KASH5: variants seen among roughly 807,000 people sequenced by gnomAD.
KASH5 encodes the protein protein KASH5.
KASH5 carries 72 observed loss-of-function variants against 84.2 expected under a neutral mutation model. The observed-to-expected ratio is 0.85, with a 90% confidence interval of 0.71 to 1.04. KASH5 has a LOEUF of 1.04. Ranked by LOEUF, KASH5 falls within the 50% of genes least tolerant of loss-of-function variation. The probability of loss-of-function intolerance (pLI) is 0.00; values close to 1 mark genes in which losing one functional copy is unlikely to be tolerated. For missense variants in KASH5, 650 were observed against 701.0 expected (o/e 0.93, Z 0.82); for synonymous variants, 260 against 279.1 (o/e 0.93, Z 0.68).
At chr19:49,396,993 G>A (rs948900942) in intron 5 of KASH5, among the ~76,000 whole-genome samples, 2 of 151,488 alleles carry the variant, frequency 1.3e-5, no homozygotes, top group African/African-American at 4.9e-5. Context: ...GGTCAAAGCT[G>A]CAGTGAGCCA....
intron 7 of KASH5, among the ~76,000 whole-genome samples, chr19:49,398,506 C>G (rs1974259366): frequency 6.6e-6 from 1 of 151,802 alleles, no homozygotes; most frequent in South Asian, 2.1e-4. Flanking sequence ...GTAGCTGGGA[C>G]CACAGGCCCA....
intron 7 of KASH5, 50 bp from the exon 8 acceptor site, chr19:49,398,975 C>G: frequency 7.2e-7 from 1 of 1,387,808 alleles, no homozygotes; most frequent in East Asian, 2.5e-5. Flanking sequence ...CTCTGTGCTT[C>G]TCTGCCTTCC....
At chr19:49,389,148 C>T (rs1277410618) in intron 1 of KASH5, among the ~76,000 whole-genome samples, 1 of 104,724 alleles carries the variant, frequency 9.5e-6, no homozygotes, top group Non-Finnish European at 1.8e-5. Context: ...AAATCAAGAC[C>T]CCCAAAATCC....
At position 49,417,231 on chromosome 19, in the gene KASH5, C is replaced by T; in HGVS notation, c.1512C>T (p.Ala504=). The change falls in exon 19 of 20, where the codon GCC becomes GCT. Residue 504 remains alanine (A), a synonymous_variant. Transcript: ENST00000447857. The surrounding 1 kb of genome is among the most constrained non-coding windows in gnomAD (Gnocchi z 5.2). ...MKKLVPVRRR[A]WGQLCLPPQR... ...AGCTGGTCCCAGTCAGGAGGAGGGC[C>T]TGGGGCCAGCTCTGCCTGCCCCCAC... 6.2e-7 allele frequency: 1 copy of T among 1,613,692 alleles called. No individual in the cohort carries two copies. Among genetic ancestry groups the T allele is most frequent in the African/African-American group, 1.3e-5 (1 of 75,058 alleles).
Position 49,414,308 on chromosome 19 carries a change from G to A in KASH5, c.1329-643G>A, listed in dbSNP as rs1158072876. ...GGCTCTTCCAGTCCTCCTGGAAGAG[G>A]GTCTTGCACCTAAGAGGATTCGGCA... On this transcript the variant is annotated intron_variant, in intron 16 of 19. Transcript: ENST00000447857. This position sits in a 1 kb window ranked among gnomAD's most constrained non-coding sequence, Gnocchi z 4.5. Among the ~76,000 whole-genome samples the A allele has an allele frequency of 2.0e-5, 3 of 152,090 alleles. No homozygotes were observed. Among genetic ancestry groups the A allele is most frequent in the African/African-American group, 7.2e-5 (3 of 41,422 alleles).
At chr19:49,408,825 C>T (rs562005658) in intron 12 of KASH5, 142 bp from the exon 13 acceptor site, 3 of 731,900 alleles carry the variant, frequency 4.1e-6, no homozygotes, top group South Asian at 3.7e-5. Context: ...TGGCTTTCTT[C>T]CCCTTGTCCC....
At chr19:49,407,067 C>G in intron 10 of KASH5, 104 bp downstream of exon 10, 2 of 1,326,638 alleles carry the variant, frequency 1.5e-6, no homozygotes. Flanking sequence ...GGTCTTCCAT[C>G]AAGCTGTCAG....
At chr19:49,405,349 C>T (rs769072555) in intron 9 of KASH5, among the ~76,000 whole-genome samples, 3 of 151,180 alleles carry the variant, frequency 2.0e-5, no homozygotes, top group Non-Finnish European at 4.4e-5. Flanking sequence ...CCCAGCTACT[C>T]TGGAGACTGA....
At chr19:49,389,360 G>A (rs1973925557) in intron 1 of KASH5, among the ~76,000 whole-genome samples, 1 of 149,492 alleles carries the variant, frequency 6.7e-6, no homozygotes, top group South Asian at 2.1e-4. Context: ...CCAAAATCCT[G>A]TCAGAGCCCT....
intron 1 of KASH5, chr19:49,389,468 C>T (rs1178375710): frequency 1.3e-5 from 2 of 152,796 alleles, no homozygotes; most frequent in East Asian, 1.9e-4. Context: ...CCGAGATCAA[C>T]CAACACCCCC....
At position 49,406,888 on chromosome 19, in the gene KASH5, C is replaced by G; in HGVS notation, c.801C>G (p.Asn267Lys). The G allele has an allele frequency of 6.2e-7, 1 of 1,604,814 alleles. No individual in the cohort carries two copies. Among genetic ancestry groups the G allele is most frequent in the East Asian group, 2.2e-5 (1 of 44,578 alleles). The change falls in exon 10 of 20, where the codon AAC becomes AAG. Residue 267 changes from asparagine (N) to lysine (K), a missense_variant and splice_region_variant. Transcript: ENST00000447857. ...VAEMETLQEE[N>K]GKLLAERDGV... is the part of the protein sequence containing the mutation. ...TGACCAGCCATTCCTTCTTCTAGAA[C>G]GGGAAGCTGCTTGCCGAGCGGGATG...
chr19:49,403,586 G>A (rs1053740600), intron 9 of KASH5, among the ~76,000 whole-genome samples: 2 of 152,218 alleles, frequency 1.3e-5, no homozygotes, highest in Admixed American at 1.3e-4. Context: ...GAGAATGGCT[G>A]CTGGCTTAGC....
intron 6 of KASH5, 71 bp downstream of exon 6, chr19:49,397,788 G>A (rs1974230088): frequency 1.9e-6 from 3 of 1,555,950 alleles, no homozygotes; most frequent in Non-Finnish European, 2.6e-6. Context: ...CGAGGCCCGG[G>A]TAGGGCTTGG....
At position 49,394,379 on chromosome 19, in the gene KASH5, C is replaced by G. The variant is rs1405811097; in HGVS notation, c.44-97C>G. 3.3e-6 allele frequency: 3 copies of G among 901,464 alleles called. No homozygotes were observed. The African/African-American group carries it at 4.9e-5, about 15-fold the overall frequency. The allele number at this position is 901,464 out of a possible 1,614,324, so 55.8% of individuals were successfully genotyped here. A position where few individuals can be genotyped will look rare whatever the true frequency, so the allele number is the denominator to read the frequency against. On this transcript the variant is annotated intron_variant, in intron 2 of 19. Transcript: ENST00000447857. ...ACTCTCAGTGCTCTGAGTGAATTCC[C>G]TCCCCGCTACAGAGCCCAGGAGGCT...
intron 15 of KASH5, among the ~76,000 whole-genome samples, chr19:49,411,480 A>T (rs530227748): frequency 6.6e-6 from 1 of 152,200 alleles, no homozygotes; most frequent in Admixed American, 6.5e-5. Context: ...TCATCTTGTT[A>T]CTCATGGGAA....
In KASH5 at chr19:49,398,359, C is replaced by T. The variant is rs546505562; in HGVS notation, c.629+216C>T. Among the ~76,000 whole-genome samples, 9 of 151,192 alleles carry T rather than the reference C, an allele frequency of 6.0e-5. No homozygotes were observed. In the East Asian group the frequency reaches 1.7e-3, roughly 29 times the overall value. ...TTTATCTTTCCCTTGAGGGTTCAGA[C>T]TTCTCTCTCTCTCTTTTTTTTTTTT... On this transcript the variant is annotated intron_variant, in intron 7 of 19. Transcript: ENST00000447857.
rs1042167657 is a variant in KASH5 at position 49,406,784 on chromosome 19, T to C, written c.799-102T>C. 4.0e-6 allele frequency: 4 copies of C among 999,558 alleles called. No individual in the cohort carries two copies. In the African/African-American group the frequency reaches 4.8e-5, roughly 12 times the overall value. 61.9% of individuals were successfully genotyped at this position (999,558 alleles called of 1,614,324 possible). A position where few individuals can be genotyped will look rare whatever the true frequency, so the allele number is the denominator to read the frequency against. On this transcript the variant is annotated intron_variant, in intron 9 of 19. Coordinates refer to ENST00000447857, the MANE Select transcript of KASH5 (RefSeq NM_144688.5). The stretch of plus-strand genomic sequence containing the variant: ...GTTAAAACATATGAAGTGCTTAGCA[T>C]GAGGCCTGATGTATATCAATCAAGT...
chr19:49,398,939 G>A, intron 7 of KASH5, 86 bp from the exon 8 acceptor site: 1 of 1,011,636 alleles, frequency 9.9e-7, no homozygotes, highest in Non-Finnish European at 1.5e-6. Flanking sequence ...TCTCTCTGTT[G>A]CTAGTGTCTC....
At chr19:49,398,946 T>A in intron 7 of KASH5, 79 bp from the exon 8 acceptor site, 1 of 1,081,156 alleles carries the variant, frequency 9.2e-7, no homozygotes, top group Non-Finnish European at 1.4e-6. Context: ...GTTGCTAGTG[T>A]CTCTCAGAAT....
Sources: allele counts gnomAD v4.1 joint callset (sites outside exome capture counted in the v4.1 genomes callset), GRCh38; gene constraint gnomAD v4.1.1; non-coding constraint Gnocchi (gnomAD v3.1); transcripts MANE v1.5; gene names NCBI Gene and HGNC (gene_info 2026-07-23, HGNC 2026-07-21).